Variants in BRCA2 observed in about 807,000 individuals in gnomAD.
BRCA2 encodes the protein breast cancer type 2 susceptibility protein.
A neutral mutation model predicts 276.7 loss-of-function variants in BRCA2; 203 were observed. That is an observed-to-expected ratio of 0.73 (90% CI 0.65 to 0.82). BRCA2 has a LOEUF of 0.82. Ranked by LOEUF, BRCA2 falls within the 40% of genes least tolerant of loss-of-function variation. The probability of loss-of-function intolerance (pLI) is 0.00; values close to 1 mark genes in which losing one functional copy is unlikely to be tolerated. For synonymous variants in BRCA2, 1,289 were observed against 1,338.4 expected, an observed-to-expected ratio of 0.96 and a Z score of 0.81; for missense variants, 3,920 against 3,915.0, an observed-to-expected ratio of 1.00 and a Z score of -0.03.
Position 32,400,008 on chromosome 13 carries a change from A to G in BRCA2, c.*1238A>G, listed in dbSNP as rs1414709733. 1.3e-5 allele frequency: 2 copies of G among 152,110 alleles called. No individual in the cohort carries two copies. The highest frequency in any genetic ancestry group is 4.8e-5 in the African/African-American group (2 of 41,396). The allele number at this position is 152,110 out of a possible 1,614,324, so 9.4% of individuals were successfully genotyped here. On this transcript the variant is annotated 3_prime_UTR_variant, in exon 27 of 27. Transcript: ENST00000380152. Reference sequence around the variant, plus strand: ...ACCATGTTGGCCAAGCTGGTCTCAAACTCCTGATGTCAGGTGATCCATCTG... The same window carrying G: ...ACCATGTTGGCCAAGCTGGTCTCAAGCTCCTGATGTCAGGTGATCCATCTG...
At chr13:32,342,475 A>C (rs964186792) in intron 11 of BRCA2, among the ~76,000 whole-genome samples, 4 of 152,196 alleles carry the variant, frequency 2.6e-5, no homozygotes, top group African/African-American at 4.8e-5. Context: ...TATATCTAAC[A>C]ACTTAGTTCA....
At chr13:32,381,106 T>C (rs1322750952) in intron 24 of BRCA2, among the ~76,000 whole-genome samples, 1 of 152,238 alleles carries the variant, frequency 6.6e-6, no homozygotes, top group Non-Finnish European at 1.5e-5. Flanking sequence ...ATCTTGGTCA[T>C]ATTTGGATGA....
rs876658364 is a variant in BRCA2 at position 32,326,263 on chromosome 13, A to T, written c.497A>T (p.His166Leu). 1.9e-6 allele frequency: 3 copies of T among 1,613,424 alleles called. No homozygotes were observed. The highest frequency in any genetic ancestry group is 2.5e-6 in the Non-Finnish European group (3 of 1,179,576). Residue 166 changes from histidine to leucine, a missense_variant, in exon 6 of 27, where the codon CAT becomes CTT. By Grantham distance (99) the His-to-Leu change is moderately conservative. Coordinates refer to ENST00000380152, the MANE Select transcript of BRCA2 (RefSeq NM_000059.4). ...DKSVVCGSLFHTPKFVKGRQT... is the reference protein window; with the variant it reads ...DKSVVCGSLFLTPKFVKGRQT... Reference sequence around the variant, plus strand: ...CCAGTGGTATGTGGGAGTTTGTTTCATACACCAAAGTTTGTGAAGGTAAAT... The same window carrying T: ...CCAGTGGTATGTGGGAGTTTGTTTCTTACACCAAAGTTTGTGAAGGTAAAT...
rs571714155 is a variant in BRCA2, at chr13:32,351,962, C to T, written c.7008-2899C>T. 5.3e-5 allele frequency among the ~76,000 whole-genome samples: 8 copies of T among 152,116 alleles called. No individual in the cohort carries two copies. The East Asian group carries it at 1.5e-3, about 29-fold the overall frequency. On this transcript the variant is annotated intron_variant, in intron 13 of 26. Coordinates refer to ENST00000380152, the MANE Select transcript of BRCA2 (RefSeq NM_000059.4). ...GATTACAGGCGCGTGCCACCATGCC[C>T]GGCTAATTTTTTGTATTTTTACTAG...
At chr13:32,356,099 A>G (rs1277342397) in intron 14 of BRCA2, among the ~76,000 whole-genome samples, 3 of 150,886 alleles carry the variant, frequency 2.0e-5, no homozygotes, top group Admixed American at 6.6e-5. Context: ...CTGGAGTGCA[A>G]TGGTGCAACC....
rs765832839 is a variant in BRCA2 at position 32,332,345 on chromosome 13, T to C, written c.867T>C (p.Asn289=). The C allele has an allele frequency of 3.8e-6, 6 of 1,598,394 alleles. No homozygotes were observed. The highest frequency in any genetic ancestry group is 5.1e-6 in the Non-Finnish European group (6 of 1,172,886). Residue 289 remains asparagine (N), a synonymous_variant, in exon 10 of 27, where the codon AAT becomes AAC. Transcript: ENST00000380152. ...CKDHIGKSMP[N]VLEDEVYETV... ...ACCACATTGGAAAGTCAATGCCAAA[T>C]GTCCTAGAAGATGAAGTATATGAAA... is the stretch of plus-strand genomic sequence containing the variant.
At position 32,345,701 on chromosome 13, in the gene BRCA2, C is replaced by T. The variant is rs569559337; in HGVS notation, c.6937+1048C>T. Among the ~76,000 whole-genome samples the T allele has an allele frequency of 1.3e-4, 20 of 152,090 alleles. No homozygotes were observed. In the South Asian group the frequency reaches 4.1e-3, roughly 32 times the overall value. Reference sequence around the variant, plus strand: ...TAATGAGATATCTGGGGATAGGACTCAAGTCTAAACACGAAATTTATTTAA... The same window carrying T: ...TAATGAGATATCTGGGGATAGGACTTAAGTCTAAACACGAAATTTATTTAA... On this transcript the variant is annotated intron_variant, in intron 12 of 26. Coordinates refer to ENST00000380152, the MANE Select transcript of BRCA2 (RefSeq NM_000059.4).
At chr13:32,319,477 GA>G in intron 3 of BRCA2, 152 bp downstream of exon 3, 1 of 758,042 alleles carries the variant, frequency 1.3e-6, no homozygotes, top group African/African-American at 1.8e-5. Context: ...TGGAGACGAT[GA>G]AAATAATGTC....
At chr13:32,350,890 G>T (rs761926217) in intron 13 of BRCA2, among the ~76,000 whole-genome samples, 2 of 152,178 alleles carry the variant, frequency 1.3e-5, no homozygotes, top group Non-Finnish European at 2.9e-5. Context: ...CTTCTGGGTC[G>T]TGTGGGGACT....
chr13:32,395,068 G>A, intron 25 of BRCA2, 135 bp downstream of exon 25: 6 of 1,252,102 alleles, frequency 4.8e-6, no homozygotes, highest in South Asian at 2.8e-5. Flanking sequence ...TATATTAATT[G>A]CCCATGAACC....
chr13:32,398,064 A>G, intron 26 of BRCA2, 98 bp from the exon 27 acceptor site: 1 of 1,334,030 alleles, frequency 7.5e-7, no homozygotes, highest in African/African-American at 1.5e-5. Flanking sequence ...TGTGTGTAAT[A>G]TTTGCGTGCT....
intron 25 of BRCA2, among the ~76,000 whole-genome samples, chr13:32,395,585 A>G (rs1839377408): frequency 6.6e-6 from 1 of 152,148 alleles, no homozygotes. Context: ...AAGTTAGTAA[A>G]ACTAGGATTC....
rs276174877 is a variant in BRCA2 at position 32,341,077 on chromosome 13, C to T, written c.6722C>T (p.Thr2241Ile). 6.2e-7 allele frequency: 1 copy of T among 1,613,946 alleles called. No homozygotes were observed. The highest frequency in any genetic ancestry group is 8.5e-7 in the Non-Finnish European group (1 of 1,179,916). ...AKAFMEDDEL[T>I]DSKLPSHATH... ...GCTTTTATGGAAGATGATGAACTGA[C>T]AGATTCTAAACTGCCAAGTCATGCC... Residue 2241 changes from threonine to isoleucine, a missense_variant, in exon 11 of 27, where the codon ACA becomes ATA. By Grantham distance (89) the Thr-to-Ile change is moderately conservative. Coordinates refer to ENST00000380152, the MANE Select transcript of BRCA2 (RefSeq NM_000059.4).
At chr13:32,386,015 A>G in intron 24 of BRCA2, 1 of 183,616 alleles carries the variant, frequency 5.4e-6, no homozygotes, top group Admixed American at 5.2e-5. Flanking sequence ...GTTTCTGTAC[A>G]AATTGAAAGG....
intron 13 of BRCA2, among the ~76,000 whole-genome samples, chr13:32,350,455 A>G (rs2072640538): frequency 6.6e-6 from 1 of 152,156 alleles, no homozygotes; most frequent in Non-Finnish European, 1.5e-5. Context: ...CTATTTATAT[A>G]CTACCCATTA....
intron 19 of BRCA2, 127 bp downstream of exon 19, chr13:32,370,684 T>C (rs2072825428): frequency 9.1e-7 from 1 of 1,104,612 alleles, no homozygotes; most frequent in East Asian, 2.6e-5. Flanking sequence ...CTTGGTTCAC[T>C]GCAGCCTCCA....
At chr13:32,365,197 TC>T (rs1481983249) in intron 18 of BRCA2, among the ~76,000 whole-genome samples, 1 of 139,440 alleles carries the variant, frequency 7.2e-6, no homozygotes, top group Non-Finnish European at 1.5e-5. Flanking sequence ...AGATGAGGTC[TC>T]CCTGTGTTGC....
Position 32,338,487 on chromosome 13 carries a change from A to G in BRCA2, c.4132A>G (p.Thr1378Ala), listed in dbSNP as rs1204269313. ...LSGQFMKEGN[T>A]QIKEDLSDLT... ...TGGCCAGTTTATGAAGGAGGGAAAC[A>G]CTCAGATTAAAGAAGATTTGTCAGA... Residue 1378 changes from threonine (T) to alanine (A), a missense_variant, in exon 11 of 27, where the codon ACT becomes GCT. Physicochemically the swap from Thr to Ala is moderately conservative, Grantham distance 58. Transcript: ENST00000380152. 5 of 1,609,652 alleles carry G rather than the reference A, an allele frequency of 3.1e-6. No individual in the cohort carries two copies. The highest frequency in any genetic ancestry group is 4.2e-6 in the Non-Finnish European group (5 of 1,178,790).
At chr13:32,397,667 T>C (rs2073045703) in intron 26 of BRCA2, among the ~76,000 whole-genome samples, 1 of 152,174 alleles carries the variant, frequency 6.6e-6, no homozygotes, top group South Asian at 2.1e-4. Flanking sequence ...AAGTCACAGT[T>C]TCCGAGAACC....
Sources: allele counts gnomAD v4.1 joint callset (sites outside exome capture counted in the v4.1 genomes callset), GRCh38; gene constraint gnomAD v4.1.1; transcripts MANE v1.5; gene names NCBI Gene and HGNC (gene_info 2026-07-23, HGNC 2026-07-21).